The following TONSL variants were observed in gnomAD, a reference collection of about 807,000 sequenced individuals.
TONSL encodes the protein tonsoku-like protein.
Under a neutral mutation model 147.1 loss-of-function variants are expected in TONSL, and 112 were observed. That is an observed-to-expected ratio of 0.76 (90% CI 0.65 to 0.89). The LOEUF is 0.89. Ranked by LOEUF, TONSL falls within the 40% of genes least tolerant of loss-of-function variation. The pLI is 0.00. For missense variants in TONSL, 1,883 were observed against 1,864.6 expected (o/e 1.01, Z -0.18); for synonymous variants, 868 against 801.5 (o/e 1.08, Z -1.40).
At chr8:144,441,368 A>G (rs935575761) in intron 7 of TONSL, 6 of 468,532 alleles carry the variant, frequency 1.3e-5, no homozygotes, top group Admixed American at 6.9e-5. Context: ...CGAGGCGGGC[A>G]GATCATGAGG....
Position 144,435,463 on chromosome 8 carries a change from C to T in TONSL, c.2852+11G>A, listed in dbSNP as rs765393961. The T allele has an allele frequency of 5.9e-6, 9 of 1,534,996 alleles. No individual in the cohort carries two copies. Among genetic ancestry groups the T allele is most frequent in the East Asian group, 2.5e-5 (1 of 40,662 alleles). ...CAGGTGGGCTGCGGGGTAGGGCAGG[C>T]GATGCCTCACCTGTGTGGGACAGGG... On this transcript the variant is annotated intron_variant, in intron 18 of 25. Coordinates refer to ENST00000409379, the MANE Select transcript of TONSL (RefSeq NM_013432.5).
intron 13 of TONSL, among the ~76,000 whole-genome samples, chr8:144,437,338 G>T (rs938685533): frequency 6.6e-6 from 1 of 152,228 alleles, no homozygotes; most frequent in African/African-American, 2.4e-5. Context: ...GTCCCCTTGT[G>T]GGGAGACAGT....
chr8:144,434,129 C>T lies in TONSL; in HGVS notation c.3236G>A (p.Gly1079Glu), dbSNP rs782406150. ...CACACACTTGTCCCCCAGCCGGTTC[C>T]CTGCCAGGCGCAGCTCCCGGAGTGC... ...HTALRELRLAGNRLGDKCVAE... is the reference protein window; with the variant it reads ...HTALRELRLAENRLGDKCVAE... Residue 1079 changes from glycine (G) to glutamate (E), a missense_variant, in exon 21 of 26, where the codon GGG becomes GAG. By Grantham distance (98) the Gly-to-Glu change is moderately conservative. Transcript: ENST00000409379. The T allele has an allele frequency of 2.5e-6, 4 of 1,612,074 alleles. No homozygotes were observed. In the East Asian group the frequency reaches 8.9e-5, roughly 36 times the overall value.
chr8:144,442,465 G>T, intron 5 of TONSL, 53 bp from the exon 6 acceptor site: 1 of 1,506,358 alleles, frequency 6.6e-7, no homozygotes. Flanking sequence ...GACAGCTGCT[G>T]ATGCCACACG....
rs755832601 is a variant in TONSL, at chr8:144,436,257, C to G, written c.2176G>C (p.Ala726Pro). Reference protein sequence around the residue: ...VRVSPGQAAPAMARPRRSRHG... With the variant: ...VRVSPGQAAPPMARPRRSRHG... ...CTGCTCCTCCGAGGCCTGGCCATGG[C>G]TGGTGCCGCCTGCCCTGGGGAGACC... Residue 726 changes from alanine (A) to proline (P), a missense_variant, in exon 17 of 26, where the codon GCC becomes CCC. Physicochemically the swap from Ala to Pro is conservative, Grantham distance 27 (BLOSUM62 -1). Transcript: ENST00000409379. 6.5e-7 allele frequency: 1 copy of G among 1,530,354 alleles called. No individual in the cohort carries two copies. The highest frequency in any genetic ancestry group is 8.7e-7 in the Non-Finnish European group (1 of 1,142,992). 94.8% of individuals were successfully genotyped at this position (1,530,354 alleles called of 1,614,324 possible). A position where few individuals can be genotyped will look rare whatever the true frequency, so the allele number is the denominator to read the frequency against.
chr8:144,443,016 A>G, intron 4 of TONSL, 122 bp downstream of exon 4: 1 of 1,308,018 alleles, frequency 7.6e-7, no homozygotes, highest in Non-Finnish European at 1.0e-6. Context: ...CCCCTCACAC[A>G]AGAGCCTTGC....
At chr8:144,437,129 C>A in intron 13 of TONSL, 30 bp from the exon 14 acceptor site, 16 of 1,604,406 alleles carry the variant, frequency 1.0e-5, no homozygotes, top group Non-Finnish European at 1.4e-5. Flanking sequence ...GGAGCCTGGC[C>A]CTGTGTACCT....
At chr8:144,434,567 C>G (rs2130845182) in intron 20 of TONSL, among the ~76,000 whole-genome samples, 1 of 152,304 alleles carries the variant, frequency 6.6e-6, no homozygotes, top group South Asian at 2.1e-4. Flanking sequence ...GGCCCTCCTC[C>G]TTGGGTTTGA....
chr8:144,432,396 C>A lies in TONSL; in HGVS notation c.3624G>T (p.Arg1208Ser), dbSNP rs782429446. 1 of 1,604,492 alleles carries A rather than the reference C, an allele frequency of 6.2e-7. No homozygotes were observed. Among genetic ancestry groups the A allele is most frequent in the Admixed American group, 1.7e-5 (1 of 57,836 alleles). Residue 1208 changes from arginine to serine, a missense_variant, in exon 23 of 26, where the codon AGG (arginine) becomes AGT (serine). By Grantham distance (110) the Arg-to-Ser change is moderately radical (BLOSUM62 -1). Transcript: ENST00000409379. ...TGCCGGCGGGCAGGCTCTGCAGGGT[C>A]CTGGCCAGGGCAGGGGCTCCCAGGG... ...YNALGAPALA[R>S]TLQSLPAGTL...
Position 144,431,140 on chromosome 8 carries a change from A to T in TONSL, c.3747T>A (p.Ala1249=), listed in dbSNP as rs2130836549. ...TTGCAGACAGGGTCAGGTGGGCTAG[A>T]GCACAGCCTTCCTGGACATGAGCAG... ...VFRYLAKEGC[A]LAHLTLSANH... Residue 1249 remains alanine (A), a synonymous_variant, in exon 24 of 26, where the codon GCT becomes GCA. Transcript: ENST00000409379. The T allele has an allele frequency of 6.2e-7, 1 of 1,614,124 alleles. No individual in the cohort carries two copies. Among genetic ancestry groups the T allele is most frequent in the East Asian group, 2.2e-5 (1 of 44,884 alleles).
Position 144,433,639 on chromosome 8 carries a change from C to G in TONSL, c.3508G>C (p.Gly1170Arg), listed in dbSNP as rs149645318. The change falls in exon 22 of 26, where the codon GGC becomes CGC. Residue 1170 changes from glycine (G) to arginine (R), a missense_variant. Transcript: ENST00000409379. ...STLRLQACGF[G>R]PSFFLSHQTA... ...TGGTGGCTCAGAAAGAAGCTGGGGC[C>G]GAAGCCACACGCCTGCAGGCGCAGG... is the stretch of plus-strand genomic sequence containing the variant. 1 of 1,613,336 alleles carries G rather than the reference C, an allele frequency of 6.2e-7. No homozygotes were observed.
intron 25 of TONSL, 42 bp from the exon 26 acceptor site, chr8:144,429,378 G>A (rs1273664727): frequency 8.1e-6 from 11 of 1,358,790 alleles, no homozygotes; most frequent in African/African-American, 1.5e-5. Flanking sequence ...TGCGGGGGCC[G>A]GCGGCGTCCT....
chr8:144,434,148 G>A lies in TONSL; in HGVS notation c.3217C>T (p.Arg1073Trp), dbSNP rs782040610. The change falls in exon 21 of 26, where the codon CGG becomes TGG. Residue 1073 changes from arginine to tryptophan, a missense_variant. Physicochemically the swap from Arg to Trp is moderately radical, Grantham distance 101. Transcript: ENST00000409379. ...CGGTTCCCTGCCAGGCGCAGCTCCC[G>A]GAGTGCTGTGTGCAGCTTGAGGGCC... Reference protein sequence around the residue: ...LRALKLHTALRELRLAGNRLG... With the variant: ...LRALKLHTALWELRLAGNRLG... 10 of 1,611,158 alleles carry A rather than the reference G, an allele frequency of 6.2e-6. No homozygotes were observed. The highest frequency in any genetic ancestry group is 3.3e-5 in the Admixed American group (2 of 59,838).
rs758153285 is a variant in TONSL at position 144,435,728 on chromosome 8, G to A, written c.2705C>T (p.Pro902Leu). 3 of 1,612,584 alleles carry A rather than the reference G, an allele frequency of 1.9e-6. No individual in the cohort carries two copies. The highest frequency in any genetic ancestry group is 1.1e-5 in the South Asian group (1 of 91,088). The change falls in exon 17 of 26, where the codon CCT becomes CTT. Residue 902 changes from proline (P) to leucine (L), a missense_variant. By Grantham distance (98) the Pro-to-Leu change is moderately conservative (BLOSUM62 -3). Transcript: ENST00000409379. ...CCTGGGGGTGCTGGGGCTCCCTGGA[G>A]GTTCTGAAGCCAGGCTGCTGGGCCC... is the stretch of plus-strand genomic sequence containing the variant. Reference protein sequence around the residue: ...NAGPSSLASEPPGSPSTPRVS... With the variant: ...NAGPSSLASELPGSPSTPRVS...
chr8:144,443,179 G>A lies in TONSL; in HGVS notation c.407C>T (p.Ala136Val). ...CACAATAGCCAAGCTCTTCTCAAAG[G>A]CAGCCTGTGCCTGCAGCAAAGCATC... ...SRDALLQAQA[A>V]FEKSLAIVDE... The change falls in exon 4 of 26, where the codon GCC becomes GTC. Residue 136 changes from alanine (A) to valine (V), a missense_variant. Coordinates refer to ENST00000409379, the MANE Select transcript of TONSL (RefSeq NM_013432.5). 1 of 1,550,742 alleles carries A rather than the reference G, an allele frequency of 6.4e-7. No individual in the cohort carries two copies. Among genetic ancestry groups the A allele is most frequent in the Non-Finnish European group, 8.7e-7 (1 of 1,146,968 alleles).
intron 14 of TONSL, 43 bp downstream of exon 14, chr8:144,436,984 G>C (rs749296928): frequency 1.2e-6 from 2 of 1,612,764 alleles, no homozygotes; most frequent in Non-Finnish European, 1.7e-6. Flanking sequence ...TTCGCCCCAC[G>C]TGTCCACCAA....
Position 144,438,567 on chromosome 8 carries a change from G to A in TONSL, c.1564-7C>T, listed in dbSNP as rs1000448780. The A allele has an allele frequency of 1.4e-5, 23 of 1,612,720 alleles. No individual in the cohort carries two copies. The highest frequency in any genetic ancestry group is 1.9e-5 in the Non-Finnish European group (22 of 1,179,852). On this transcript the variant is annotated splice_region_variant and splice_polypyrimidine_tract_variant and intron_variant, in intron 12 of 25. Transcript: ENST00000409379. The stretch of plus-strand genomic sequence containing the variant: ...TGTCGTTTCGCCGGTTCCACTGTGG[G>A]CACAGCCAACCCAGCACAGGGCAGG...
chr8:144,436,309 G>A lies in TONSL; in HGVS notation c.2124C>T (p.Leu708=). ...TGACATGGGCCTGAGAGGCCTCTGG[G>A]AGTCTAGTGCTATTAGAGGGGGGTT... is the stretch of plus-strand genomic sequence containing the variant. ...CPEPPSNSTR[L]PEASQAHVRV... The change falls in exon 17 of 26, where the codon CTC becomes CTT. Residue 708 remains leucine, a synonymous_variant. Coordinates refer to ENST00000409379, the MANE Select transcript of TONSL (RefSeq NM_013432.5). 6.6e-7 allele frequency: 1 copy of A among 1,504,114 alleles called. No homozygotes were observed. The highest frequency in any genetic ancestry group is 8.8e-7 in the Non-Finnish European group (1 of 1,133,174). 93.2% of individuals were successfully genotyped at this position (1,504,114 alleles called of 1,614,324 possible). A position where few individuals can be genotyped will look rare whatever the true frequency, so the allele number is the denominator to read the frequency against.
intron 13 of TONSL, 91 bp from the exon 14 acceptor site, chr8:144,437,190 G>A: frequency 7.5e-7 from 1 of 1,341,452 alleles, no homozygotes; most frequent in Non-Finnish European, 1.0e-6. Flanking sequence ...TGAGCCCAGG[G>A]CCTCAGTCTT....
Sources: allele counts gnomAD v4.1 joint callset (sites outside exome capture counted in the v4.1 genomes callset), GRCh38; gene constraint gnomAD v4.1.1; transcripts MANE v1.5; gene names NCBI Gene and HGNC (gene_info 2026-07-23, HGNC 2026-07-21).